The following CACNA1B variants were observed in gnomAD, a reference collection of about 807,000 sequenced individuals.
CACNA1B encodes the protein calcium voltage-gated channel subunit alpha1 B.
Under a neutral mutation model 247.2 loss-of-function variants are expected in CACNA1B, and 70 were observed. That is an observed-to-expected ratio of 0.28 (90% CI 0.23 to 0.35). CACNA1B has a LOEUF of 0.35. CACNA1B is among the 10% of genes least tolerant of loss of function. The pLI is 1.00. For missense variants in CACNA1B, 2,367 were observed against 3,197.4 expected, an observed-to-expected ratio of 0.74 and a Z score of 6.26; for synonymous variants, 1,231 against 1,294.4, an observed-to-expected ratio of 0.95 and a Z score of 1.05.
chr9:138,081,199 A>G (rs1489348217), intron 36 of CACNA1B, among the ~76,000 whole-genome samples: 3 of 152,298 alleles, frequency 2.0e-5, no homozygotes, highest in African/African-American at 4.8e-5. Context: ...CACATTCATG[A>G]TACCACACCA....
Position 137,903,501 on chromosome 9 carries a change from G to A in CACNA1B, c.531-9679G>A, listed in dbSNP as rs184551587. Among the ~76,000 whole-genome samples, 4 of 152,198 alleles carry A rather than the reference G, an allele frequency of 2.6e-5. No individual in the cohort carries two copies. In the East Asian group the frequency reaches 7.7e-4, roughly 29 times the overall value. On this transcript the variant is annotated intron_variant, in intron 3 of 46. Transcript: ENST00000371372. The stretch of plus-strand genomic sequence containing the variant: ...GTCTCGTTGTGTAGCTCAGAGGAGG[G>A]GTTTAATGTCTCATGAAGCCAGTCC...
rs138294495 is a variant in CACNA1B at position 138,037,923 on chromosome 9, G to A, written c.3287-5851G>A. On this transcript the variant is annotated intron_variant, in intron 20 of 46. Coordinates refer to ENST00000371372, the MANE Select transcript of CACNA1B (RefSeq NM_000718.4). ...AGTTCAGTGAGGGTCGCAAAATGGT[G>A]AATTTATAATTTCATGATTCTTTCT... Among the ~76,000 whole-genome samples, 239 of 152,272 alleles carry A rather than the reference G, an allele frequency of 1.6e-3. 1 individual carries two copies. The highest frequency in any genetic ancestry group is 5.0e-3 in the African/African-American group (207 of 41,552).
intron 15 of CACNA1B, among the ~76,000 whole-genome samples, chr9:137,999,005 A>G (rs1032901611): frequency 3.3e-5 from 5 of 152,190 alleles, no homozygotes; most frequent in African/African-American, 1.2e-4. Flanking sequence ...GGAAACTTCA[A>G]CAAGTATTAA....
chr9:138,008,517 C>T (rs1419956444), intron 16 of CACNA1B, among the ~76,000 whole-genome samples: 1 of 152,228 alleles, frequency 6.6e-6, no homozygotes, highest in African/African-American at 2.4e-5. Flanking sequence ...GTGGACTCAC[C>T]TGTGAGGCTC....
At chr9:137,987,364 C>A (rs1564223304) in intron 15 of CACNA1B, among the ~76,000 whole-genome samples, 1 of 152,326 alleles carries the variant, frequency 6.6e-6, no homozygotes, top group East Asian at 1.9e-4. Context: ...GCAGACTCTG[C>A]CCTCTTGGAG....
intron 6 of CACNA1B, among the ~76,000 whole-genome samples, chr9:137,920,397 A>G (rs553186293): frequency 5.9e-5 from 9 of 152,200 alleles, no homozygotes; most frequent in Admixed American, 1.3e-4. Flanking sequence ...GGGTTTCGCC[A>G]TGTTGGCCAG....
At chr9:137,943,528 G>C (rs1233580586) in intron 6 of CACNA1B, among the ~76,000 whole-genome samples, 1 of 151,960 alleles carries the variant, frequency 6.6e-6, no homozygotes, top group Non-Finnish European at 1.5e-5. Context: ...TTGGTGTAGG[G>C]TAAGCTTCAA....
intron 3 of CACNA1B, among the ~76,000 whole-genome samples, chr9:137,911,387 T>C (rs1194189581): frequency 6.6e-6 from 1 of 152,190 alleles, no homozygotes; most frequent in African/African-American, 2.4e-5. Context: ...TGTCCTTTTT[T>C]TCTTTTTTTA....
chr9:138,114,582 C>G, intron 41 of CACNA1B, 92 bp downstream of exon 41: 1 of 648,938 alleles, frequency 1.5e-6, no homozygotes, highest in East Asian at 2.7e-5. Context: ...AGATGCACAC[C>G]ATTCTTGGAA....
At chr9:137,972,463 A>G (rs1273522456) in intron 11 of CACNA1B, among the ~76,000 whole-genome samples, 1 of 152,066 alleles carries the variant, frequency 6.6e-6, no homozygotes, top group African/African-American at 2.4e-5. Flanking sequence ...CGAGGCACCC[A>G]GGAAAGCCTT....
At chr9:138,085,983 T>G (rs1960680892) in intron 36 of CACNA1B, among the ~76,000 whole-genome samples, 1 of 150,784 alleles carries the variant, frequency 6.6e-6, no homozygotes, top group Non-Finnish European at 1.5e-5. Flanking sequence ...AGAGTGAGTT[T>G]CACAAAAGAG....
At position 137,877,835 on chromosome 9, in the gene CACNA1B, C is replaced by T; in HGVS notation, c.-99C>T. On this transcript the variant is annotated 5_prime_UTR_variant, in exon 1 of 47. Transcript: ENST00000371372. The stretch of plus-strand genomic sequence containing the variant: ...GGGCCGGGCGAGGTCCGCTGCGGTC[C>T]CGGCGGCTCCGTGGCTGCTCCGCTC... 2 of 665,282 alleles carry T rather than the reference C, an allele frequency of 3.0e-6. No homozygotes were observed. The highest frequency in any genetic ancestry group is 3.7e-6 in the Non-Finnish European group (2 of 536,910). 41.2% of individuals were successfully genotyped at this position (665,282 alleles called of 1,614,324 possible). A position where few individuals can be genotyped will look rare whatever the true frequency, so the allele number is the denominator to read the frequency against.
chr9:137,896,172 G>A lies in CACNA1B; in HGVS notation c.530+13289G>A, dbSNP rs538351885. On this transcript the variant is annotated intron_variant, in intron 3 of 46. Coordinates refer to ENST00000371372, the MANE Select transcript of CACNA1B (RefSeq NM_000718.4). ...GAGAATGGCGTGAACCTGGGTGGCG[G>A]AGCTTGCAGTGAGCCGAGATTGCAC... Among the ~76,000 whole-genome samples the A allele has an allele frequency of 2.9e-4, 44 of 151,002 alleles. No individual in the cohort carries two copies. The East Asian group carries it at 7.2e-3, about 25-fold the overall frequency.
chr9:138,066,192 G>T (rs962112924), intron 31 of CACNA1B, among the ~76,000 whole-genome samples: 1 of 152,224 alleles, frequency 6.6e-6, no homozygotes, highest in African/African-American at 2.4e-5. Flanking sequence ...TAGTGTGGAT[G>T]CCACATCAGA....
rs148928278 is a variant in CACNA1B, at chr9:137,989,299, C to T, written c.1974+2445C>T. Among the ~76,000 whole-genome samples, 63 of 152,122 alleles carry T rather than the reference C, an allele frequency of 4.1e-4. No individual in the cohort carries two copies. The South Asian group carries it at 7.1e-3, about 17-fold the overall frequency. ...TTTAGAAGCAGAGTGAACCGTACGC[C>T]GGGTGTGATCAGAGAGAGTATGGGT... On this transcript the variant is annotated intron_variant, in intron 15 of 46. Coordinates refer to ENST00000371372, the MANE Select transcript of CACNA1B (RefSeq NM_000718.4).
At chr9:138,107,190 T>G (rs1650986749) in intron 39 of CACNA1B, among the ~76,000 whole-genome samples, 1 of 152,090 alleles carries the variant, frequency 6.6e-6, no homozygotes, top group East Asian at 1.9e-4. Flanking sequence ...CAGTCAATGC[T>G]TAAGCCGAAA....
At chr9:137,956,168 G>C (rs1564206826) in intron 8 of CACNA1B, among the ~76,000 whole-genome samples, 1 of 152,306 alleles carries the variant, frequency 6.6e-6, no homozygotes, top group African/African-American at 2.4e-5. Context: ...TCCACATGGG[G>C]CATCCACTCA....
intron 20 of CACNA1B, among the ~76,000 whole-genome samples, chr9:138,027,057 A>G (rs1023073846): frequency 2.6e-5 from 4 of 152,220 alleles, no homozygotes; most frequent in African/African-American, 9.6e-5. Flanking sequence ...TGCCATGTGT[A>G]TAATTTTCTT....
chr9:138,043,745 C>T (rs967718700), intron 20 of CACNA1B, 29 bp from the exon 21 acceptor site: 3 of 1,613,562 alleles, frequency 1.9e-6, no homozygotes, highest in Admixed American at 3.3e-5. Context: ...GCACTACACC[C>T]CTTACTCGGG....
Sources: gnomAD v4.1 joint callset for allele counts (sites outside exome capture counted in the v4.1 genomes callset) on GRCh38, gnomAD v4.1.1 for gene constraint, MANE v1.5 for transcripts, NCBI Gene and HGNC (gene_info 2026-07-23, HGNC 2026-07-21) for gene names.